Variants in OXSR1 observed in about 807,000 individuals in gnomAD.
OXSR1 encodes oxidative stress responsive kinase 1.
OXSR1 carries 24 observed loss-of-function variants against 79.8 expected under a neutral mutation model. The observed-to-expected ratio is 0.30, with a 90% CI of 0.22 to 0.42. The LOEUF (loss-of-function observed/expected upper bound fraction) is 0.42, where lower values mean the gene tolerates loss of function less well. Among genes scored for constraint, OXSR1 ranks in the 10% least tolerant of loss-of-function variants. The probability of loss-of-function intolerance (pLI) is 1.00; values close to 1 mark genes in which losing one functional copy is unlikely to be tolerated. For synonymous variants in OXSR1, 226 were observed against 209.2 expected, an observed-to-expected ratio of 1.08 and a Z score of -0.69; for missense variants, 430 against 618.4, an observed-to-expected ratio of 0.70 and a Z score of 3.23.
intron 4 of OXSR1, among the ~76,000 whole-genome samples, chr3:38,200,143 C>T (rs78943176): frequency 0.012 from 1,832 of 152,264 alleles, 35 homozygotes; most frequent in African/African-American, 0.041. Flanking sequence ...ATTGGCACTG[C>T]TCGTTAGGCA....
rs1702995159 is a variant in OXSR1, at chr3:38,239,931, A to G, written c.1075-2812A>G. ...CACTTTTTTTCCCTGTCTTCCAGGA[A>G]TCACTGTTTTTCTTTGCCCAGTGCC... On this transcript the variant is annotated intron_variant, in intron 11 of 17. Transcript: ENST00000311806. Among the ~76,000 whole-genome samples, 3 of 152,150 alleles carry G rather than the reference A, an allele frequency of 2.0e-5. No individual in the cohort carries two copies. The South Asian group carries it at 6.2e-4, about 32-fold the overall frequency.
chr3:38,190,404 A>T (rs1483494660), intron 2 of OXSR1, among the ~76,000 whole-genome samples: 3 of 152,202 alleles, frequency 2.0e-5, no homozygotes, highest in African/African-American at 4.8e-5. Context: ...ATAAAACCAG[A>T]TTTCCCAAGA....
Position 38,180,203 on chromosome 3 carries a change from A to G in OXSR1, c.71-2800A>G, listed in dbSNP as rs565446813. On this transcript the variant is annotated intron_variant, in intron 1 of 17. Coordinates refer to ENST00000311806, the MANE Select transcript of OXSR1 (RefSeq NM_005109.3). ...AGTGATCCACCAGCCTCAGCCGCCTAAAGTGCTGGGATTACAGGCGTGAAA... is the reference window on the plus strand; with the variant it reads ...AGTGATCCACCAGCCTCAGCCGCCTGAAGTGCTGGGATTACAGGCGTGAAA... Among the ~76,000 whole-genome samples the G allele has an allele frequency of 5.7e-4, 87 of 152,280 alleles. 1 individual carries two copies. Among genetic ancestry groups the G allele is most frequent in the Admixed American group, 5.6e-3 (85 of 15,296 alleles).
chr3:38,246,292 A>G (rs1317692090), intron 13 of OXSR1, 71 bp downstream of exon 13: 9 of 1,445,456 alleles, frequency 6.2e-6, no homozygotes, highest in Non-Finnish European at 8.7e-6. Context: ...AACGTGGAAT[A>G]TAACCTAATG....
At chr3:38,190,286 T>A (rs1280168063) in intron 2 of OXSR1, among the ~76,000 whole-genome samples, 3 of 152,038 alleles carry the variant, frequency 2.0e-5, no homozygotes, top group Non-Finnish European at 4.4e-5. Flanking sequence ...CTCTTTAGTG[T>A]GAGAATTATT....
At chr3:38,225,542 C>A (rs867940121) in intron 8 of OXSR1, among the ~76,000 whole-genome samples, 9 of 151,804 alleles carry the variant, frequency 5.9e-5, no homozygotes, top group Middle Eastern at 3.4e-3. Context: ...AAACAGGTAG[C>A]AAAATTTATA....
chr3:38,169,355 G>A (rs1457806121), intron 1 of OXSR1, among the ~76,000 whole-genome samples: 1 of 151,934 alleles, frequency 6.6e-6, no homozygotes, highest in Non-Finnish European at 1.5e-5. Context: ...GCCCAGGCTG[G>A]GGTGCAGTGG....
rs1294851705 is a variant in OXSR1, at chr3:38,198,820, C to T, written c.391C>T (p.Leu131=). ...CATTGCTACGATACTCCGAGAAGTA[C>T]TGGAAGGGCTGGAATATCTGCATAA... ...STIATILREV[L]EGLEYLHKNG... Residue 131 remains leucine (L), a synonymous_variant, in exon 4 of 18, where the codon CTG becomes TTG. Coordinates refer to ENST00000311806, the MANE Select transcript of OXSR1 (RefSeq NM_005109.3). The T allele has an allele frequency of 6.2e-7, 1 of 1,613,390 alleles. No individual in the cohort carries two copies. Among genetic ancestry groups the T allele is most frequent in the East Asian group, 2.2e-5 (1 of 44,842 alleles).
At chr3:38,223,590 G>A (rs1290474440) in intron 6 of OXSR1, among the ~76,000 whole-genome samples, 2 of 151,484 alleles carry the variant, frequency 1.3e-5, no homozygotes, top group African/African-American at 2.4e-5. Context: ...TTACAGGCAT[G>A]CGCCACCGTG....
At chr3:38,223,334 C>T (rs985707447) in intron 6 of OXSR1, among the ~76,000 whole-genome samples, 2 of 152,080 alleles carry the variant, frequency 1.3e-5, no homozygotes, top group African/African-American at 4.8e-5. Flanking sequence ...CCATGTTGCC[C>T]AGGCTGGTCT....
intron 2 of OXSR1, 71 bp downstream of exon 2, chr3:38,183,186 G>C: frequency 1.5e-6 from 1 of 652,924 alleles, no homozygotes; most frequent in East Asian, 3.3e-5. Flanking sequence ...GAAATAACTT[G>C]AAGTTTTTGA....
At chr3:38,244,312 C>T (rs1424542977) in intron 12 of OXSR1, among the ~76,000 whole-genome samples, 2 of 152,108 alleles carry the variant, frequency 1.3e-5, no homozygotes, top group Non-Finnish European at 2.9e-5. Flanking sequence ...CCATCCTAAT[C>T]ATTTTCAAGT....
intron 2 of OXSR1, among the ~76,000 whole-genome samples, chr3:38,184,162 G>C (rs1199817323): frequency 1.3e-5 from 2 of 152,042 alleles, no homozygotes; most frequent in Non-Finnish European, 2.9e-5. Flanking sequence ...TTCTGGTGGT[G>C]TCTGTACTGA....
In OXSR1 at chr3:38,165,817, G is replaced by A. The variant is rs1190690178; in HGVS notation, c.-60G>A. On this transcript the variant is annotated 5_prime_UTR_variant, in exon 1 of 18. Coordinates refer to ENST00000311806, the MANE Select transcript of OXSR1 (RefSeq NM_005109.3). The stretch of plus-strand genomic sequence containing the variant: ...GGCTGTTGGGGGTGGGGAGACGCGC[G>A]GCGAGGAGACGAGCGAGGTCAGCGA... The A allele has an allele frequency of 6.9e-7, 1 of 1,443,360 alleles. No individual in the cohort carries two copies. The highest frequency in any genetic ancestry group is 2.4e-5 in the East Asian group (1 of 42,514). The allele number at this position is 1,443,360 out of a possible 1,614,324, so 89.4% of individuals were successfully genotyped here.
chr3:38,229,977 T>G (rs953883516), intron 9 of OXSR1, among the ~76,000 whole-genome samples: 3 of 152,204 alleles, frequency 2.0e-5, no homozygotes, highest in African/African-American at 7.2e-5. Context: ...AATTTTGCCA[T>G]TATAAATATA....
chr3:38,254,306 A>G lies in OXSR1; in HGVS notation c.*1415A>G, dbSNP rs991070302. ...ATTTTCTCTTGGAACATATCTGAAA[A>G]CCTTCCCCACAAATAACTTGTCACA... On this transcript the variant is annotated 3_prime_UTR_variant, in exon 18 of 18. Transcript: ENST00000311806. 1.3e-5 allele frequency: 5 copies of G among 398,130 alleles called. No homozygotes were observed. The Admixed American group carries it at 1.3e-4, about 11-fold the overall frequency. 24.7% of individuals were successfully genotyped at this position (398,130 alleles called of 1,614,324 possible).
intron 9 of OXSR1, 104 bp from the exon 10 acceptor site, chr3:38,230,261 A>C (rs1262255004): frequency 3.2e-5 from 24 of 741,090 alleles, no homozygotes; most frequent in Non-Finnish European, 9.6e-6. Flanking sequence ...ACTTCATTAC[A>C]GAACAGTTAC....
Position 38,184,826 on chromosome 3 carries a change from T to C in OXSR1, c.183+1711T>C, listed in dbSNP as rs533455035. Among the ~76,000 whole-genome samples the C allele has an allele frequency of 2.1e-4, 31 of 149,418 alleles. No homozygotes were observed. The South Asian group carries it at 4.1e-3, about 20-fold the overall frequency. ...GGATTAAAAATCAGGTCTTTCTGAC[T>C]TAAGTCTATTATTGTCTGCTTAGTA... On this transcript the variant is annotated intron_variant, in intron 2 of 17. Coordinates refer to ENST00000311806, the MANE Select transcript of OXSR1 (RefSeq NM_005109.3).
chr3:38,186,977 T>G (rs1053439673), intron 2 of OXSR1, among the ~76,000 whole-genome samples: 4 of 152,214 alleles, frequency 2.6e-5, no homozygotes, highest in African/African-American at 9.6e-5. Flanking sequence ...TACTTGTTAT[T>G]GTTCATCTTT....
Sources: allele counts gnomAD v4.1 joint callset (sites outside exome capture counted in the v4.1 genomes callset), GRCh38; gene constraint gnomAD v4.1.1; transcripts MANE v1.5; gene names NCBI Gene and HGNC (gene_info 2026-07-23, HGNC 2026-07-21).